The following ADSS2 variants were observed in gnomAD, a reference collection of about 807,000 sequenced individuals.
The protein encoded by ADSS2 is adenylosuccinate synthetase isozyme 2.
A neutral mutation model predicts 60.0 loss-of-function variants in ADSS2; 30 were observed. The ratio of observed to expected loss-of-function variants is 0.50; its 90% CI spans 0.37 to 0.68. The LOEUF is 0.68. ADSS2 is among the 30% of genes least tolerant of loss of function. The pLI is 0.00. For missense variants in ADSS2, 373 were observed against 554.8 expected (o/e 0.67, Z 3.29); for synonymous variants, 187 against 193.1 (o/e 0.97, Z 0.26).
At chr1:244,429,356 C>T (rs997012757) in intron 4 of ADSS2, among the ~76,000 whole-genome samples, 1 of 152,154 alleles carries the variant, frequency 6.6e-6, no homozygotes, top group Non-Finnish European at 1.5e-5. Flanking sequence ...AATAAATGAA[C>T]ATTCTGAAGC....
At chr1:244,437,364 T>G (rs1665131305) in intron 2 of ADSS2, among the ~76,000 whole-genome samples, 1 of 152,122 alleles carries the variant, frequency 6.6e-6, no homozygotes, top group Non-Finnish European at 1.5e-5. Flanking sequence ...TGAAAGTATT[T>G]GTGGAAAAAA....
rs1664350901 is a variant in ADSS2, at chr1:244,409,017, A to G, written c.*569T>C. ...TCCCATGAATACATAACCCCCTCCC[A>G]GCCCCACCAAAGCTCAATTTTGCAT... On this transcript the variant is annotated 3_prime_UTR_variant, in exon 13 of 13. Coordinates refer to ENST00000366535, the MANE Select transcript of ADSS2 (RefSeq NM_001126.5). 1 of 152,620 alleles carries G rather than the reference A, an allele frequency of 6.6e-6. No homozygotes were observed. Among genetic ancestry groups the G allele is most frequent in the East Asian group, 1.9e-4 (1 of 5,192 alleles). The allele number at this position is 152,620 out of a possible 1,614,324, so 9.5% of individuals were successfully genotyped here.
rs1366809280 is a variant in ADSS2 at position 244,451,757 on chromosome 1, G to C, written c.61C>G (p.Pro21Ala). ...CGGTTTCCTCCGGGCCGCGCCCTGG[G>C]GCGGCCGCAATCGCCGTTGGGCAGG... ...SSLPNGDCGR[P>A]RARPGGNRVT... The change falls in exon 1 of 13, where the codon CCC becomes GCC. Residue 21 changes from proline to alanine, a missense_variant. Transcript: ENST00000366535. This position sits in a 1 kb window ranked among gnomAD's most constrained non-coding sequence, Gnocchi z 6.6. 4 of 1,601,916 alleles carry C rather than the reference G, an allele frequency of 2.5e-6. No homozygotes were observed. The Admixed American group carries it at 6.8e-5, about 27-fold the overall frequency.
intron 1 of ADSS2, among the ~76,000 whole-genome samples, chr1:244,449,847 C>G (rs544827680): frequency 6.6e-6 from 1 of 152,328 alleles, no homozygotes; most frequent in South Asian, 2.1e-4. Context: ...CTTCTCTAGC[C>G]TTTCCAAGGG....
At chr1:244,424,083 C>T in intron 5 of ADSS2, 23 bp from the exon 6 acceptor site, 1 of 1,589,298 alleles carries the variant, frequency 6.3e-7, no homozygotes, top group South Asian at 1.1e-5. Flanking sequence ...TCCAAACAAG[C>T]TTTAAGTCAG....
At chr1:244,446,043 C>G (rs1375839899) in intron 1 of ADSS2, among the ~76,000 whole-genome samples, 11 of 152,198 alleles carry the variant, frequency 7.2e-5, no homozygotes, top group Non-Finnish European at 1.5e-5. Flanking sequence ...CAGGAGAGAG[C>G]AGCAGTGTCT....
At chr1:244,445,319 C>T (rs1665357673) in intron 1 of ADSS2, among the ~76,000 whole-genome samples, 1 of 152,174 alleles carries the variant, frequency 6.6e-6, no homozygotes. Flanking sequence ...ACATCTTGTA[C>T]TAGTGAAACT....
At chr1:244,443,464 T>C (rs745982252) in intron 1 of ADSS2, among the ~76,000 whole-genome samples, 1 of 152,250 alleles carries the variant, frequency 6.6e-6, no homozygotes, top group Non-Finnish European at 1.5e-5. Context: ...AATCTCAACG[T>C]TGTTTCTGGA....
intron 3 of ADSS2, among the ~76,000 whole-genome samples, chr1:244,435,931 T>G (rs1665089615): frequency 6.6e-6 from 1 of 152,212 alleles, no homozygotes; most frequent in South Asian, 2.1e-4. Flanking sequence ...ATATTTCATT[T>G]ATTACCACAG....
intron 1 of ADSS2, among the ~76,000 whole-genome samples, chr1:244,445,474 T>C (rs1488916913): frequency 6.6e-6 from 1 of 152,188 alleles, no homozygotes; most frequent in Non-Finnish European, 1.5e-5. Flanking sequence ...ATTCCTTTTC[T>C]TCCTAATTTG....
intron 11 of ADSS2, among the ~76,000 whole-genome samples, chr1:244,414,925 C>T (rs1260600173): frequency 6.6e-6 from 1 of 152,224 alleles, no homozygotes; most frequent in Non-Finnish European, 1.5e-5. Flanking sequence ...GGATTGGCTG[C>T]ACTGTATTTC....
chr1:244,444,337 A>G (rs925065275), intron 1 of ADSS2, among the ~76,000 whole-genome samples: 1 of 149,516 alleles, frequency 6.7e-6, no homozygotes, highest in African/African-American at 2.5e-5. Context: ...AAAACGGTGA[A>G]ACCCCGTCTC....
chr1:244,422,930 A>AT lies in ADSS2; in HGVS notation c.582-15dup. 1 of 1,497,894 alleles carries AT rather than the reference A, an allele frequency of 6.7e-7. No individual in the cohort carries two copies. Among genetic ancestry groups the AT allele is most frequent in the South Asian group, 1.2e-5 (1 of 86,032 alleles). The allele number at this position is 1,497,894 out of a possible 1,614,324, so 92.8% of individuals were successfully genotyped here. On this transcript the variant is annotated splice_polypyrimidine_tract_variant and intron_variant, in intron 6 of 12. Coordinates refer to ENST00000366535, the MANE Select transcript of ADSS2 (RefSeq NM_001126.5). The stretch of plus-strand genomic sequence containing the variant: ...AGAACTTTAAACCTGAGAAACACAG[A>AT]TAAATCAAGACATTACCACTCTGTG...
At chr1:244,414,927 C>T (rs1664494644) in intron 11 of ADSS2, among the ~76,000 whole-genome samples, 1 of 152,242 alleles carries the variant, frequency 6.6e-6, no homozygotes, top group African/African-American at 2.4e-5. Flanking sequence ...ATTGGCTGCA[C>T]TGTATTTCAA....
At chr1:244,446,421 GAA>G (rs1263385104) in intron 1 of ADSS2, among the ~76,000 whole-genome samples, 1 of 151,966 alleles carries the variant, frequency 6.6e-6, no homozygotes, top group Non-Finnish European at 1.5e-5. Flanking sequence ...GACAGCAAGA[GAA>G]AAAAATACAC....
chr1:244,429,102 T>C (rs1454928287), intron 4 of ADSS2, among the ~76,000 whole-genome samples: 2 of 152,188 alleles, frequency 1.3e-5, no homozygotes, highest in Non-Finnish European at 2.9e-5. Context: ...GTTGGGTGTA[T>C]ACATATATGA....
At chr1:244,416,895 A>G (rs1304645431) in intron 10 of ADSS2, among the ~76,000 whole-genome samples, 1 of 152,238 alleles carries the variant, frequency 6.6e-6, no homozygotes, top group Non-Finnish European at 1.5e-5. Context: ...ACTGACTGGA[A>G]AACAGGTTTT....
rs1260066168 is a variant in ADSS2, at chr1:244,424,499, ATAAAT to A, written c.407-117_407-113del. 5.3e-5 allele frequency: 42 copies of A among 797,610 alleles called. No homozygotes were observed. In the East Asian group the frequency reaches 7.3e-4, roughly 14 times the overall value. The allele number at this position is 797,610 out of a possible 1,614,324, so 49.4% of individuals were successfully genotyped here. ...ATCCCTTCAGCCTCATTTCAGTATA[ATAAAT>A]TAAACACATTTTTAGAAGTGATGAT... On this transcript the variant is annotated intron_variant, in intron 4 of 12. Coordinates refer to ENST00000366535, the MANE Select transcript of ADSS2 (RefSeq NM_001126.5).
At chr1:244,412,006 G>A (rs1664428120) in intron 11 of ADSS2, among the ~76,000 whole-genome samples, 1 of 152,188 alleles carries the variant, frequency 6.6e-6, no homozygotes, top group Non-Finnish European at 1.5e-5. Context: ...TCTCAAGACT[G>A]AGAGCTGTGG....
Sources: allele counts gnomAD v4.1 joint callset (sites outside exome capture counted in the v4.1 genomes callset), GRCh38; gene constraint gnomAD v4.1.1; non-coding constraint Gnocchi (gnomAD v3.1); transcripts MANE v1.5; gene names NCBI Gene and HGNC (gene_info 2026-07-23, HGNC 2026-07-21).